ATG4A: variants seen among roughly 807,000 people sequenced by gnomAD.
The protein encoded by ATG4A is cysteine protease ATG4A.
Under a neutral mutation model 38.4 loss-of-function variants are expected in ATG4A, and 22 were observed. That is an observed-to-expected ratio of 0.57 (90% CI 0.41 to 0.82). The LOEUF is 0.82. Ranked by LOEUF, ATG4A falls within the 40% of genes least tolerant of loss-of-function variation. The probability of loss-of-function intolerance (pLI) is 0.00; values close to 1 mark genes in which losing one functional copy is unlikely to be tolerated. For synonymous variants in ATG4A, 86 were observed against 100.7 expected (o/e 0.85, Z 0.88); for missense variants, 220 against 290.0 (o/e 0.76, Z 1.75).
At chrX:108,124,470 T>G (rs779469193) in intron 1 of ATG4A, among the ~76,000 whole-genome samples, 9 of 110,814 alleles carry the variant, frequency 8.1e-5, no homozygotes, top group African/African-American at 3.0e-4. Flanking sequence ...TCTTTTTTTT[T>G]GAGATGGAAT....
chrX:108,096,644 A>ATATTT (rs766014976), intron 1 of ATG4A, among the ~76,000 whole-genome samples: 2,629 of 110,333 alleles, frequency 0.024, 87 homozygotes, highest in African/African-American at 0.083. Context: ...TATAAACAGT[A>ATATTT]TATTTTATTT....
In ATG4A at chrX:108,151,871, G is replaced by T. The variant is rs201171030; in HGVS notation, c.1017+13G>T. ...CCTTGTTCAGAAGGTAAAGCTATATGTTTTTCTTAGTCTGAAAAATGAAGT... is the reference window on the plus strand; with the variant it reads ...CCTTGTTCAGAAGGTAAAGCTATATTTTTTTCTTAGTCTGAAAAATGAAGT... On this transcript the variant is annotated intron_variant, in intron 11 of 12. Coordinates refer to ENST00000372232, the MANE Select transcript of ATG4A (RefSeq NM_052936.5). The T allele has an allele frequency of 1.8e-4, 212 of 1,169,626 alleles. No homozygotes were observed. The East Asian group carries it at 6.1e-3, about 34-fold the overall frequency.
chrX:108,137,217 C>T (rs1397306732), intron 7 of ATG4A, 47 bp downstream of exon 7: 1 of 1,038,034 alleles, frequency 9.6e-7, no homozygotes. Flanking sequence ...GTGATGAGTT[C>T]CTCCCTCACC....
intron 11 of ATG4A, 133 bp downstream of exon 11, chrX:108,151,991 CAAAG>C: frequency 1.6e-6 from 1 of 616,541 alleles, no homozygotes; most frequent in South Asian, 3.8e-5. Context: ...ACTAAGGCAA[CAAAG>C]AAACTATCAG....
chrX:108,108,518 CA>C (rs2032254704), intron 1 of ATG4A, among the ~76,000 whole-genome samples: 1 of 110,917 alleles, frequency 9.0e-6, no homozygotes, highest in Non-Finnish European at 1.9e-5. Flanking sequence ...GCCTTTCTCC[CA>C]GTAAAAATTT....
At chrX:108,127,567 C>G (rs1390767437) in intron 2 of ATG4A, among the ~76,000 whole-genome samples, 1 of 111,810 alleles carries the variant, frequency 8.9e-6, no homozygotes, top group Non-Finnish European at 1.9e-5. Flanking sequence ...AGGGTTCAAA[C>G]CCAAGCAAAG....
chrX:108,116,609 A>G (rs1351571594), intron 1 of ATG4A, among the ~76,000 whole-genome samples: 1 of 111,874 alleles, frequency 8.9e-6, no homozygotes, highest in Non-Finnish European at 1.9e-5. Flanking sequence ...TTGGTGCACC[A>G]CTTCTATTCT....
chrX:108,102,888 T>C (rs1353786635), intron 1 of ATG4A, among the ~76,000 whole-genome samples: 1 of 109,213 alleles, frequency 9.2e-6, no homozygotes, highest in Non-Finnish European at 1.9e-5. Flanking sequence ...GTTTGTTACA[T>C]AGGTAAACGT....
chrX:108,116,376 G>A (rs530089236), intron 1 of ATG4A, among the ~76,000 whole-genome samples: 49 of 111,433 alleles, frequency 4.4e-4, no homozygotes, highest in African/African-American at 1.5e-3. Context: ...AGGGTGAGGT[G>A]GTTGTAAACT....
At chrX:108,097,269 T>C (rs2031853768) in intron 1 of ATG4A, among the ~76,000 whole-genome samples, 1 of 112,200 alleles carries the variant, frequency 8.9e-6, no homozygotes, top group Non-Finnish European at 1.9e-5. Flanking sequence ...TGCAACATGC[T>C]GCTAAATATT....
At chrX:108,133,925 TC>T in intron 4 of ATG4A, 131 bp from the exon 5 acceptor site, 1 of 470,609 alleles carries the variant, frequency 2.1e-6, no homozygotes, top group South Asian at 4.0e-5. Context: ...TTAGAAATGT[TC>T]TAACTTGGTC....
At chrX:108,115,477 C>T (rs1165772357) in intron 1 of ATG4A, among the ~76,000 whole-genome samples, 1 of 111,623 alleles carries the variant, frequency 9.0e-6, no homozygotes, top group Non-Finnish European at 1.9e-5. Context: ...ATCATAGATT[C>T]GTTTTGCCTG....
At chrX:108,126,246 G>A (rs865838413) in intron 2 of ATG4A, 59 bp downstream of exon 2, 14 of 849,033 alleles carry the variant, frequency 1.6e-5, no homozygotes, top group Non-Finnish European at 2.1e-5. Flanking sequence ...CTGTGGTTCA[G>A]GGTTTGTACT....
chrX:108,143,997 T>TG (rs1312816151), intron 9 of ATG4A, among the ~76,000 whole-genome samples: 28 of 112,889 alleles, frequency 2.5e-4, no homozygotes, highest in Non-Finnish European at 1.9e-4. Flanking sequence ...TTCAGGCTGA[T>TG]GGGGAACATG....
At chrX:108,129,073 A>G (rs2032879007) in intron 3 of ATG4A, among the ~76,000 whole-genome samples, 1 of 112,191 alleles carries the variant, frequency 8.9e-6, no homozygotes, top group Non-Finnish European at 1.9e-5. Flanking sequence ...TATACTTTTG[A>G]CACCACCTCC....
chrX:108,151,427 A>C (rs2033585805), intron 10 of ATG4A, among the ~76,000 whole-genome samples: 1 of 112,536 alleles, frequency 8.9e-6, no homozygotes, highest in African/African-American at 3.2e-5. Context: ...TATTGCCTCT[A>C]GCTAAAAGTA....
intron 1 of ATG4A, among the ~76,000 whole-genome samples, chrX:108,104,372 G>T (rs2032108014): frequency 9.1e-6 from 1 of 110,351 alleles, no homozygotes; most frequent in Admixed American, 9.6e-5. Flanking sequence ...ATGTGGGAAC[G>T]TTTTTATTCC....
At position 108,119,937 on chromosome X, in the gene ATG4A, C is replaced by T. The variant is rs772900243; in HGVS notation, c.11-6140C>T. Among the ~76,000 whole-genome samples the T allele has an allele frequency of 3.6e-5, 4 of 112,182 alleles. No homozygotes were observed. The East Asian group carries it at 1.1e-3, about 31-fold the overall frequency. On this transcript the variant is annotated intron_variant, in intron 1 of 12. Transcript: ENST00000372232. ...TGGTTATTGTCCAAAATCAAAGATA[C>T]AGTACCATGGAAGCTTTCTTTTAAC...
At chrX:108,100,053 A>G (rs1053018510) in intron 1 of ATG4A, among the ~76,000 whole-genome samples, 1 of 111,823 alleles carries the variant, frequency 8.9e-6, no homozygotes, top group Non-Finnish European at 1.9e-5. Context: ...GGGAAAACTG[A>G]CATCTTTACT....
Sources: allele counts gnomAD v4.1 joint callset (sites outside exome capture counted in the v4.1 genomes callset), GRCh38; gene constraint gnomAD v4.1.1; transcripts MANE v1.5; gene names NCBI Gene and HGNC (gene_info 2026-07-23, HGNC 2026-07-21).